The following ARHGAP39 variants were observed in gnomAD, a reference collection of about 807,000 sequenced individuals.
The protein encoded by ARHGAP39 is rho GTPase-activating protein 39.
A neutral mutation model predicts 106.9 loss-of-function variants in ARHGAP39; 44 were observed. The ratio of observed to expected loss-of-function variants is 0.41; its 90% CI spans 0.32 to 0.53. The LOEUF (loss-of-function observed/expected upper bound fraction) is 0.53, where lower values mean the gene tolerates loss of function less well. Among genes scored for constraint, ARHGAP39 ranks in the 20% least tolerant of loss-of-function variants. ARHGAP39 has a pLI of 0.21. For synonymous variants in ARHGAP39, 768 were observed against 693.2 expected (o/e 1.11, Z -1.69); for missense variants, 1,496 against 1,577.3 (o/e 0.95, Z 0.87).
intron 1 of ARHGAP39, among the ~76,000 whole-genome samples, chr8:144,635,655 G>A (rs1455383209): frequency 6.6e-6 from 1 of 152,228 alleles, no homozygotes; most frequent in Non-Finnish European, 1.5e-5. Flanking sequence ...AGTGGGGGTG[G>A]TCTTGGGGAG....
rs185307752 is a variant in ARHGAP39, at chr8:144,580,527, G to A, written c.512+319C>T. 3.7e-3 allele frequency among the ~76,000 whole-genome samples: 564 copies of A among 152,286 alleles called. 1 individual carries two copies. Among genetic ancestry groups the A allele is most frequent in the African/African-American group, 0.013 (539 of 41,548 alleles). ...AGCGGTGGCTGCTACAGCCAAGGAC[G>A]AGGCTCTGGCCACTCGCGGGGACAC... is the stretch of plus-strand genomic sequence containing the variant. On this transcript the variant is annotated intron_variant, in intron 3 of 11. Transcript: ENST00000377307.
intron 1 of ARHGAP39, among the ~76,000 whole-genome samples, chr8:144,639,592 T>A (rs992932232): frequency 1.2e-4 from 18 of 152,056 alleles, no homozygotes; most frequent in Non-Finnish European, 2.9e-5. Flanking sequence ...TGTCAATGGT[T>A]GCCACGGTAA....
intron 2 of ARHGAP39, among the ~76,000 whole-genome samples, chr8:144,582,258 C>T (rs1030836604): frequency 2.0e-5 from 3 of 152,218 alleles, no homozygotes; most frequent in Non-Finnish European, 2.9e-5. Flanking sequence ...GCGGCCGGCG[C>T]AGACTGGCTG....
chr8:144,632,028 C>T (rs1821074661), intron 1 of ARHGAP39, among the ~76,000 whole-genome samples: 1 of 152,170 alleles, frequency 6.6e-6, no homozygotes, highest in African/African-American at 2.4e-5. Flanking sequence ...ACCCTGTGAG[C>T]CCCCTTGCCA....
chr8:144,623,909 C>T (rs1179714183), intron 1 of ARHGAP39, among the ~76,000 whole-genome samples: 1 of 152,234 alleles, frequency 6.6e-6, no homozygotes, highest in Non-Finnish European at 1.5e-5. Flanking sequence ...AGGAGCTCTG[C>T]GCCCGCATCC....
chr8:144,537,929 G>A, intron 6 of ARHGAP39, 116 bp from the exon 7 acceptor site: 2 of 867,650 alleles, frequency 2.3e-6, no homozygotes, highest in Non-Finnish European at 1.8e-6. Context: ...GGCTCACCCT[G>A]TGCAGCTGGG....
chr8:144,605,046 C>T (rs543155112), intron 2 of ARHGAP39, among the ~76,000 whole-genome samples: 4 of 152,246 alleles, frequency 2.6e-5, no homozygotes, highest in African/African-American at 9.6e-5. Flanking sequence ...CCAAAAGGAT[C>T]GCTTGAGCCC....
chr8:144,548,424 TCCCGATCAGCG>T lies in ARHGAP39; in HGVS notation c.651_661del (p.Asp219GlnfsTer40). On this transcript the variant is annotated frameshift_variant, in exon 5 of 12. Coordinates refer to ENST00000377307, the MANE Select transcript of ARHGAP39 (RefSeq NM_025251.3). LOFTEE classifies it high-confidence loss of function. This position sits in a 1 kb window ranked among gnomAD's most constrained non-coding sequence, Gnocchi z 7.4. ...GCCCTGGGCGGCGAGGAAGCTGGGC[TCCCGATCAGCG>T]ACCTTGATGAGCATGCGCTCTTTGG... 1 of 1,610,906 alleles carries T rather than the reference TCCCGATCAGCG, an allele frequency of 6.2e-7. No individual in the cohort carries two copies. Among genetic ancestry groups the T allele is most frequent in the Non-Finnish European group, 8.5e-7 (1 of 1,179,644 alleles).
upstream of ARHGAP39, among the ~76,000 whole-genome samples, chr8:144,690,437 G>T (rs1822720506): frequency 6.6e-6 from 1 of 152,028 alleles, no homozygotes; most frequent in African/African-American, 2.4e-5. Context: ...CAGTGCATAA[G>T]GGCTCCAATT....
At chr8:144,570,585 G>A (rs1818552400) in intron 3 of ARHGAP39, among the ~76,000 whole-genome samples, 2 of 152,302 alleles carry the variant, frequency 1.3e-5, no homozygotes, top group Non-Finnish European at 2.9e-5. Context: ...CCAACTCACT[G>A]CTTCAATATA....
At chr8:144,558,777 A>C (rs981165568) in intron 3 of ARHGAP39, among the ~76,000 whole-genome samples, 1 of 152,100 alleles carries the variant, frequency 6.6e-6, no homozygotes, top group Non-Finnish European at 1.5e-5. Context: ...CAGTAATATA[A>C]AGCTACATAA....
chr8:144,661,183 C>A (rs900341722), intron 1 of ARHGAP39, among the ~76,000 whole-genome samples: 6 of 152,118 alleles, frequency 3.9e-5, no homozygotes, highest in Non-Finnish European at 7.4e-5. Flanking sequence ...ACCACCATGG[C>A]CCCTTCACAC....
intron 10 of ARHGAP39, among the ~76,000 whole-genome samples, chr8:144,531,229 C>T (rs563168886): frequency 8.2e-5 from 9 of 109,722 alleles, no homozygotes; most frequent in South Asian, 3.1e-4. Flanking sequence ...ATAGCAGGCA[C>T]GGCAGAAGGG....
chr8:144,530,207 G>T lies in ARHGAP39; in HGVS notation c.*215C>A. 1.7e-6 allele frequency: 1 copy of T among 572,206 alleles called. No homozygotes were observed. Among genetic ancestry groups the T allele is most frequent in the East Asian group, 3.0e-5 (1 of 32,896 alleles). 35.4% of individuals were successfully genotyped at this position (572,206 alleles called of 1,614,324 possible). The stretch of plus-strand genomic sequence containing the variant: ...GCCCGCGGGAACTGGCCGTGAGGTG[G>T]GGGGCCAGAGGCGCCCTCCCCGCCG... On this transcript the variant is annotated 3_prime_UTR_variant, in exon 12 of 12. Transcript: ENST00000377307.
At chr8:144,622,007 T>C (rs1820819209) in intron 1 of ARHGAP39, among the ~76,000 whole-genome samples, 1 of 151,790 alleles carries the variant, frequency 6.6e-6, no homozygotes, top group Non-Finnish European at 1.5e-5. Flanking sequence ...ACAAAGAAAA[T>C]AATCAAATCA....
At chr8:144,590,351 G>A (rs1282476073) in intron 2 of ARHGAP39, among the ~76,000 whole-genome samples, 1 of 152,248 alleles carries the variant, frequency 6.6e-6, no homozygotes, top group Non-Finnish European at 1.5e-5. Context: ...AGTGTTGGAG[G>A]TGGGGCCTGG....
chr8:144,695,259 A>G, the ARHGAP39 span, among the ~76,000 whole-genome samples: 1 of 89,674 alleles, frequency 1.1e-5, no homozygotes, highest in South Asian at 3.9e-4. Flanking sequence ...CATTTTAAGT[A>G]GAGACGGGGT....
At chr8:144,689,724 G>GC (rs1822705527), upstream of ARHGAP39, among the ~76,000 whole-genome samples, 1 of 148,440 alleles carries the variant, frequency 6.7e-6, no homozygotes. Context: ...ACAGTTGTGA[G>GC]CCACCACACC....
intron 1 of ARHGAP39, among the ~76,000 whole-genome samples, chr8:144,638,122 G>A (rs1404945704): frequency 6.6e-6 from 1 of 152,144 alleles, no homozygotes; most frequent in Non-Finnish European, 1.5e-5. Context: ...GATGTTAAAA[G>A]ATAATTTTGT....
Sources: allele counts gnomAD v4.1 joint callset (sites outside exome capture counted in the v4.1 genomes callset), GRCh38; gene constraint gnomAD v4.1.1; non-coding constraint Gnocchi (gnomAD v3.1); transcripts MANE v1.5; gene names NCBI Gene and HGNC (gene_info 2026-07-23, HGNC 2026-07-21).